CCDC3: variants seen among roughly 807,000 people sequenced by gnomAD.
The protein encoded by CCDC3 is coiled-coil domain-containing protein 3.
Under a neutral mutation model 21.4 loss-of-function variants are expected in CCDC3, and 24 were observed. The ratio of observed to expected loss-of-function variants is 1.12; its 90% CI spans 0.81 to 1.58. The LOEUF (loss-of-function observed/expected upper bound fraction) is 1.58. Among genes scored for constraint, CCDC3 ranks in the 40% most tolerant of loss-of-function variants. The pLI is 0.00. For synonymous variants in CCDC3, 186 were observed against 166.0 expected (o/e 1.12, Z -0.93); for missense variants, 425 against 360.9 (o/e 1.18, Z -1.44).
intron 5 of CCDC3, among the ~76,000 whole-genome samples, chr10:13,017,912 G>T (rs1414792999): frequency 2.0e-5 from 3 of 151,956 alleles, no homozygotes; most frequent in African/African-American, 7.2e-5. Flanking sequence ...CACATCCTCT[G>T]AAACACCTTC....
intron 2 of CCDC3, among the ~76,000 whole-genome samples, chr10:12,925,081 G>C (rs1385258598): frequency 6.6e-6 from 1 of 152,270 alleles, no homozygotes; most frequent in African/African-American, 2.4e-5. Flanking sequence ...ATACCCTACA[G>C]GGTAAAGGCA....
At chr10:13,014,455 A>G (rs1468742786) in intron 5 of CCDC3, among the ~76,000 whole-genome samples, 8 of 67,610 alleles carry the variant, frequency 1.2e-4, no homozygotes, top group Non-Finnish European at 2.7e-4. Context: ...GTCTCAAAAA[A>G]AAGAAAAAAA....
chr10:13,009,057 A>G (rs1835956253), intron 5 of CCDC3, among the ~76,000 whole-genome samples: 1 of 152,242 alleles, frequency 6.6e-6, no homozygotes, highest in Non-Finnish European at 1.5e-5. Flanking sequence ...AGCTACTAGA[A>G]TTCATAATCA....
intron 2 of CCDC3, among the ~76,000 whole-genome samples, chr10:12,935,387 T>C (rs1015004575): frequency 1.2e-4 from 18 of 152,154 alleles, no homozygotes; most frequent in African/African-American, 3.9e-4. Context: ...CCAGGCCTTG[T>C]TTTTTGATCC....
At chr10:12,978,817 T>A (rs1384285868) in intron 2 of CCDC3, among the ~76,000 whole-genome samples, 2 of 152,188 alleles carry the variant, frequency 1.3e-5, no homozygotes, top group Non-Finnish European at 2.9e-5. Context: ...CCTAACAAGT[T>A]ACTATCTGTA....
At chr10:13,028,536 T>A (rs10906285) in intron 5 of CCDC3, among the ~76,000 whole-genome samples, 19,392 of 152,028 alleles carry the variant, frequency 0.13, 1,374 homozygotes, top group Middle Eastern at 0.19. Flanking sequence ...TTTTTCCTAA[T>A]GTGAGAACTA....
chr10:13,058,825 G>A (rs1214288413), intron 4 of CCDC3: 1 of 195,448 alleles, frequency 5.1e-6, no homozygotes, highest in East Asian at 1.4e-4. Context: ...AGAGTTTCTA[G>A]CTTGGCACAG....
At chr10:12,993,681 C>T (rs1835712475) in intron 2 of CCDC3, among the ~76,000 whole-genome samples, 1 of 152,174 alleles carries the variant, frequency 6.6e-6, no homozygotes, top group Non-Finnish European at 1.5e-5. Context: ...GTGGATGTTC[C>T]AACGTGCCAA....
intron 4 of CCDC3, among the ~76,000 whole-genome samples, chr10:13,050,946 C>T (rs182973323): frequency 6.6e-6 from 1 of 152,008 alleles, no homozygotes; most frequent in African/African-American, 2.4e-5. Flanking sequence ...TCCACCACAC[C>T]CGGCTAATTT....
At chr10:13,017,970 G>A (rs1372527171) in intron 5 of CCDC3, among the ~76,000 whole-genome samples, 1 of 151,988 alleles carries the variant, frequency 6.6e-6, no homozygotes, top group Non-Finnish European at 1.5e-5. Flanking sequence ...GCATGCCAGG[G>A]TCTCAGGTGG....
intron 2 of CCDC3, among the ~76,000 whole-genome samples, chr10:12,977,143 C>T (rs918810823): frequency 4.6e-5 from 7 of 152,074 alleles, no homozygotes; most frequent in African/African-American, 1.4e-4. Flanking sequence ...GGCATGGTGG[C>T]GAGTGCCTGT....
intron 5 of CCDC3, among the ~76,000 whole-genome samples, chr10:13,042,516 A>G (rs1189193615): frequency 6.6e-6 from 1 of 152,258 alleles, no homozygotes; most frequent in East Asian, 1.9e-4. Flanking sequence ...TATTGTCATC[A>G]TCTCCGAATA....
chr10:13,028,744 T>C (rs4356129), intron 5 of CCDC3, among the ~76,000 whole-genome samples: 129,255 of 151,844 alleles, frequency 0.85, 55,676 homozygotes, highest in Non-Finnish European at 0.92. Flanking sequence ...GATAGAAATA[T>C]GAATATTTAG....
intron 2 of CCDC3, among the ~76,000 whole-genome samples, chr10:12,975,702 C>T (rs1429610536): frequency 6.6e-6 from 1 of 152,174 alleles, no homozygotes; most frequent in Admixed American, 6.5e-5. Flanking sequence ...GAAGAGGTAG[C>T]CCTGGCACTT....
chr10:13,090,038 T>TAGATAG (rs1564345301), intron 3 of CCDC3, among the ~76,000 whole-genome samples: 28 of 1,454 alleles, frequency 0.019, 1 homozygote, highest in African/African-American at 0.021. Flanking sequence ...CCGTTAGATA[T>TAGATAG]ATATATATAT....
chr10:13,032,416 A>T lies in CCDC3; in HGVS notation c.-2+17258T>A, dbSNP rs574589311. 2.6e-4 allele frequency among the ~76,000 whole-genome samples: 39 copies of T among 152,242 alleles called. No individual in the cohort carries two copies. The East Asian group carries it at 4.9e-3, about 19-fold the overall frequency. On this transcript the variant is annotated intron_variant, in intron 5 of 6. Transcript: ENST00000378839. ...ATGGGCAAAAACTGGAAGCATTCCC[A>T]TTGAAAACTGGCATAAGACAGGGAT... is the stretch of plus-strand genomic sequence containing the variant.
chr10:12,945,229 T>G (rs117835073), intron 2 of CCDC3, among the ~76,000 whole-genome samples: 2,699 of 152,278 alleles, frequency 0.018, 27 homozygotes, highest in Non-Finnish European at 0.029. Flanking sequence ...TTAAGATGAT[T>G]TAGTATATAA....
chr10:12,909,779 C>A (rs560658931), intron 2 of CCDC3, among the ~76,000 whole-genome samples: 7 of 152,332 alleles, frequency 4.6e-5, no homozygotes, highest in South Asian at 4.1e-4. Flanking sequence ...GCTCCCTCCC[C>A]ACTGGTGCTA....
At chr10:12,992,089 A>G (rs1345939984) in intron 2 of CCDC3, among the ~76,000 whole-genome samples, 1 of 152,060 alleles carries the variant, frequency 6.6e-6, no homozygotes, top group African/African-American at 2.4e-5. Context: ...AAGAAAGAAA[A>G]AACAAAAACT....
Sources: gnomAD v4.1 joint callset for allele counts (sites outside exome capture counted in the v4.1 genomes callset) on GRCh38, gnomAD v4.1.1 for gene constraint, MANE v1.5 for transcripts, NCBI Gene and HGNC (gene_info 2026-07-23, HGNC 2026-07-21) for gene names.